PLCH2: variants seen among roughly 807,000 people sequenced by gnomAD.
PLCH2 encodes phospholipase C eta 2, also known as 1-phosphatidylinositol 4,5-bisphosphate phosphodiesterase eta-2.
In PLCH2, 98 loss-of-function variants were observed where a neutral mutation model predicts 134.7. The observed-to-expected ratio is 0.73, with a 90% CI of 0.62 to 0.86. The LOEUF (loss-of-function observed/expected upper bound fraction) is 0.86. Among genes scored for constraint, PLCH2 ranks in the 40% least tolerant of loss-of-function variants. The pLI is 0.00. For missense variants in PLCH2, 1,994 were observed against 1,986.6 expected, an observed-to-expected ratio of 1.00 and a Z score of -0.07; for synonymous variants, 974 against 827.5, an observed-to-expected ratio of 1.18 and a Z score of -3.04.
rs1643272421 is a variant in PLCH2 at position 2,502,309 on chromosome 1, C to T, written c.2859C>T (p.Asp953=). The T allele has an allele frequency of 1.3e-6, 2 of 1,535,592 alleles. No individual in the cohort carries two copies. Among genetic ancestry groups the T allele is most frequent in the South Asian group, 1.2e-5 (1 of 82,450 alleles). The change falls in exon 21 of 22, where the codon GAC becomes GAT. Residue 953 remains aspartate (D), a synonymous_variant. Transcript: ENST00000378486. ...GFPELVLGTR[D]TGSKGVADDV... ...CGGAGCTGGTCCTGGGTACACGGGA[C>T]ACAGGCTCCAAGGGGGTGGCAGACG...
At chr1:2,419,966 C>G in the PLCH2 span, among the ~76,000 whole-genome samples, 2 of 150,724 alleles carry the variant, frequency 1.3e-5, no homozygotes, top group African/African-American at 4.9e-5. Flanking sequence ...GCCAAGTCCC[C>G]CCCCCACCCC....
At position 2,439,239 on chromosome 1, in the gene PLCH2, C is replaced by T. The variant is rs959292922; in HGVS notation, c.115+8610C>T. Among the ~76,000 whole-genome samples the T allele has an allele frequency of 2.2e-5, 2 of 90,308 alleles. No individual in the cohort carries two copies. The highest frequency in any genetic ancestry group is 1.4e-4 in the African/African-American group (2 of 14,420). The allele number at this position is 90,308 out of a possible 152,430, so 59.2% of individuals were successfully genotyped here. A position where few individuals can be genotyped will look rare whatever the true frequency, so the allele number is the denominator to read the frequency against. On this transcript the variant is annotated intron_variant, in intron 2 of 3. Coordinates refer to the PLCH2 transcript ENST00000609981. This position sits in a 1 kb window ranked among gnomAD's most constrained non-coding sequence, Gnocchi z 4.7. ...AAGGGCAGGCAGTGCCTATAAAGAC[C>T]TTTGGCCCCCCCGAGGGTGTCCTCA...
At chr1:2,477,290 C>G (rs952859144) in intron 1 of PLCH2, among the ~76,000 whole-genome samples, 1 of 152,182 alleles carries the variant, frequency 6.6e-6, no homozygotes, top group Non-Finnish European at 1.5e-5. Flanking sequence ...TGCCTCACCC[C>G]TCTCCTAAAT....
In PLCH2 at chr1:2,502,336, T is replaced by C. The variant is rs1431962654; in HGVS notation, c.2886T>C (p.Asp962=). ...CAGGCTCCAAGGGGGTGGCAGACGA[T>C]GTGGTGCCCCCCGGGCCCGGACCTG... The part of the protein sequence containing the change: ...RDTGSKGVAD[D]VVPPGPGPAP... Residue 962 remains aspartate, a synonymous_variant, in exon 21 of 22, where the codon GAT becomes GAC. Coordinates refer to ENST00000378486, the MANE Select transcript of PLCH2 (RefSeq NM_014638.4). 1 of 1,535,838 alleles carries C rather than the reference T, an allele frequency of 6.5e-7. No homozygotes were observed. Among genetic ancestry groups the C allele is most frequent in the East Asian group, 2.5e-5 (1 of 40,694 alleles).
chr1:2,484,765 C>A (rs1050829381), intron 5 of PLCH2, 147 bp downstream of exon 5: 4 of 852,444 alleles, frequency 4.7e-6, no homozygotes, highest in Admixed American at 5.3e-5. Flanking sequence ...GGCTCATGCC[C>A]CTGCTCTGAG....
upstream of PLCH2, among the ~76,000 whole-genome samples, chr1:2,475,990 C>T (rs1218749558): frequency 6.6e-6 from 1 of 152,202 alleles, no homozygotes; most frequent in Non-Finnish European, 1.5e-5. Flanking sequence ...CCAGGCCCAG[C>T]CTCGGCATCT....
rs796680496 is a variant in PLCH2, at chr1:2,500,770, G to GCCTCT, written c.2661+1055_2661+1059dup. 17 of 149,608 alleles carry GCCTCT rather than the reference G, an allele frequency of 1.1e-4. 1 individual carries two copies. Among genetic ancestry groups the GCCTCT allele is most frequent in the African/African-American group, 4.2e-4 (17 of 40,670 alleles). 9.3% of individuals were successfully genotyped at this position (149,608 alleles called of 1,614,324 possible). A position where few individuals can be genotyped will look rare whatever the true frequency, so the allele number is the denominator to read the frequency against. On this transcript the variant is annotated intron_variant, in intron 20 of 21. Transcript: ENST00000378486. The stretch of plus-strand genomic sequence containing the variant: ...CAGCTGGGTGGCCGCCTTCTCACTG[G>GCCTCT]CCTCTCCTCCCCTCCCCTCCCTCAG...
intron 21 of PLCH2, 138 bp downstream of exon 21, chr1:2,502,547 G>T: frequency 1.0e-6 from 1 of 959,042 alleles, no homozygotes. Flanking sequence ...CGTGAACACC[G>T]GGGGCCTGCA....
rs940479772 is a variant in PLCH2 at position 2,502,492 on chromosome 1, G to A, written c.2959+83G>A. The stretch of plus-strand genomic sequence containing the variant: ...TCCTGGACGGCCCCGGGCCTGCTGG[G>A]ATGGCCGCCACATGCATGAAGTGTG... On this transcript the variant is annotated intron_variant, in intron 21 of 21. Coordinates refer to ENST00000378486, the MANE Select transcript of PLCH2 (RefSeq NM_014638.4). The A allele has an allele frequency of 1.8e-5, 24 of 1,339,602 alleles. No homozygotes were observed. In the Admixed American group the frequency reaches 4.7e-4, roughly 26 times the overall value. The allele number at this position is 1,339,602 out of a possible 1,614,324, so 83.0% of individuals were successfully genotyped here. A position where few individuals can be genotyped will look rare whatever the true frequency, so the allele number is the denominator to read the frequency against.
chr1:2,498,876 G>C lies in PLCH2; in HGVS notation c.2434+48G>C. ...TCACACCTGTGATGGAAGTCTGAGG[G>C]GGGAGGGTTGGGGCTACCTGGTGTG... is the stretch of plus-strand genomic sequence containing the variant. On this transcript the variant is annotated intron_variant, in intron 18 of 21. Coordinates refer to ENST00000378486, the MANE Select transcript of PLCH2 (RefSeq NM_014638.4). This position sits in a 1 kb window ranked among gnomAD's most constrained non-coding sequence, Gnocchi z 5.4. 6.8e-7 allele frequency: 1 copy of C among 1,467,446 alleles called. No individual in the cohort carries two copies. Among genetic ancestry groups the C allele is most frequent in the Non-Finnish European group, 9.4e-7 (1 of 1,062,168 alleles). 90.9% of individuals were successfully genotyped at this position (1,467,446 alleles called of 1,614,324 possible).
At chr1:2,434,697 T>C (rs1053811883) in intron 2 of PLCH2, among the ~76,000 whole-genome samples, 4 of 152,220 alleles carry the variant, frequency 2.6e-5, no homozygotes, top group Admixed American at 6.5e-5. Context: ...AGCCCCAGGC[T>C]GCCCGGGCTG....
chr1:2,456,421 C>G (rs1352419893), intron 2 of PLCH2, among the ~76,000 whole-genome samples: 1 of 152,100 alleles, frequency 6.6e-6, no homozygotes, highest in African/African-American at 2.4e-5. Flanking sequence ...CTCTGGGGCT[C>G]GTCAAAAAGA....
chr1:2,418,248 A>G, the PLCH2 span, among the ~76,000 whole-genome samples: 1 of 152,154 alleles, frequency 6.6e-6, no homozygotes, highest in African/African-American at 2.4e-5. Context: ...ACTGATTCAC[A>G]CCGATGAGCA....
chr1:2,450,991 C>G (rs1162218412), intron 2 of PLCH2, among the ~76,000 whole-genome samples: 1 of 151,886 alleles, frequency 6.6e-6, no homozygotes, highest in Non-Finnish European at 1.5e-5. Flanking sequence ...AGTGGGACCC[C>G]CGCCTGTGCT....
upstream of PLCH2, among the ~76,000 whole-genome samples, chr1:2,465,618 T>C (rs1199751188): frequency 6.6e-6 from 1 of 152,114 alleles, no homozygotes; most frequent in Admixed American, 6.5e-5. Flanking sequence ...GGCCAAATGC[T>C]CTCAAAGACA....
rs768753012 is a variant in PLCH2 at position 2,502,471 on chromosome 1, G to T, written c.2959+62G>T. 3 of 1,470,768 alleles carry T rather than the reference G, an allele frequency of 2.0e-6. No individual in the cohort carries two copies. The East Asian group carries it at 7.4e-5, about 36-fold the overall frequency. 91.1% of individuals were successfully genotyped at this position (1,470,768 alleles called of 1,614,324 possible). A position where few individuals can be genotyped will look rare whatever the true frequency, so the allele number is the denominator to read the frequency against. Reference sequence around the variant, plus strand: ...TGCGAGTGCGGCCCCCGCGTGTCCTGGACGGCCCCGGGCCTGCTGGGATGG... The same window carrying T: ...TGCGAGTGCGGCCCCCGCGTGTCCTTGACGGCCCCGGGCCTGCTGGGATGG... On this transcript the variant is annotated intron_variant, in intron 21 of 21. Transcript: ENST00000378486.
chr1:2,420,620 G>T, the PLCH2 span, among the ~76,000 whole-genome samples: 5 of 152,216 alleles, frequency 3.3e-5, no homozygotes, highest in Non-Finnish European at 7.3e-5. Context: ...CCGCTTTACA[G>T]ATGAGGAAAC....
rs1309422280 is a variant in PLCH2, at chr1:2,448,734, C to G, written c.115+18105C>G. The stretch of plus-strand genomic sequence containing the variant: ...AGCCTCCTGGCTCCCCACCATCCCC[C>G]CTGGTGCAGCCTCCTGGCTCCCCAC... On this transcript the variant is annotated intron_variant, in intron 2 of 3. Coordinates refer to the PLCH2 transcript ENST00000609981. This position sits in a 1 kb window ranked among gnomAD's most constrained non-coding sequence, Gnocchi z 4.0. Among the ~76,000 whole-genome samples, 2 of 152,004 alleles carry G rather than the reference C, an allele frequency of 1.3e-5. No homozygotes were observed. The highest frequency in any genetic ancestry group is 1.9e-4 in the East Asian group (1 of 5,162).
chr1:2,433,984 T>TC (rs35314501), intron 2 of PLCH2, among the ~76,000 whole-genome samples: 66,255 of 152,204 alleles, frequency 0.44, 14,679 homozygotes, highest in East Asian at 0.56. Context: ...CAGTGCAGTC[T>TC]CCCCGGGCAC....
Sources: allele counts gnomAD v4.1 joint callset (sites outside exome capture counted in the v4.1 genomes callset), GRCh38; gene constraint gnomAD v4.1.1; non-coding constraint Gnocchi (gnomAD v3.1); transcripts MANE v1.5; gene names NCBI Gene and HGNC (gene_info 2026-07-23, HGNC 2026-07-21).